TSPAN14: variants seen among roughly 807,000 people sequenced by gnomAD.
TSPAN14 encodes tetraspanin 14.
A neutral mutation model predicts 36.6 loss-of-function variants in TSPAN14; 16 were observed. The ratio of observed to expected loss-of-function variants is 0.44; its 90% CI spans 0.30 to 0.66. The LOEUF (loss-of-function observed/expected upper bound fraction) is 0.66, where lower values mean the gene tolerates loss of function less well. Ranked by LOEUF, TSPAN14 falls within the 30% of genes least tolerant of loss-of-function variation. The pLI is 0.12. For synonymous variants in TSPAN14, 139 were observed against 143.8 expected (o/e 0.97, Z 0.24); for missense variants, 231 against 355.1 (o/e 0.65, Z 2.81).
At chr10:80,488,558 G>GGGAC in intron 1 of TSPAN14, among the ~76,000 whole-genome samples, 1 of 152,168 alleles carries the variant, frequency 6.6e-6, no homozygotes. Flanking sequence ...GAGGGAGGGA[G>GGGAC]CAGGGGGATG....
intron 8 of TSPAN14, among the ~76,000 whole-genome samples, chr10:80,517,598 T>C (rs1841004896): frequency 6.6e-6 from 1 of 152,262 alleles, no homozygotes; most frequent in Non-Finnish European, 1.5e-5. Context: ...AGGCGTGTCC[T>C]GCCCCATGGC....
chr10:80,463,952 G>A (rs904207085), intron 1 of TSPAN14, among the ~76,000 whole-genome samples: 12 of 152,222 alleles, frequency 7.9e-5, no homozygotes, highest in African/African-American at 2.7e-4. Context: ...GCCTGTCTCC[G>A]TGACCTCCAT....
At chr10:80,514,290 G>A (rs1010722939) in intron 7 of TSPAN14, among the ~76,000 whole-genome samples, 5 of 152,190 alleles carry the variant, frequency 3.3e-5, no homozygotes, top group Non-Finnish European at 5.9e-5. Context: ...GTGAGCTGCA[G>A]TCCCAACATC....
chr10:80,472,609 T>C (rs766304721), intron 1 of TSPAN14, among the ~76,000 whole-genome samples: 1 of 152,258 alleles, frequency 6.6e-6, no homozygotes, highest in Non-Finnish European at 1.5e-5. Flanking sequence ...TCATGGGTGT[T>C]GAATGCGATG....
chr10:80,461,321 C>T (rs1311207046), intron 1 of TSPAN14, among the ~76,000 whole-genome samples: 1 of 152,234 alleles, frequency 6.6e-6, no homozygotes, highest in Non-Finnish European at 1.5e-5. Context: ...GGGGCCTTCC[C>T]TCCTTCCTAA....
intron 1 of TSPAN14, among the ~76,000 whole-genome samples, chr10:80,457,801 G>C (rs971757735): frequency 6.6e-6 from 1 of 152,234 alleles, no homozygotes; most frequent in African/African-American, 2.4e-5. Context: ...ACGGTTTGCT[G>C]TGGTAACAGC....
At chr10:80,501,489 T>C (rs1175276552) in intron 2 of TSPAN14, among the ~76,000 whole-genome samples, 1 of 152,056 alleles carries the variant, frequency 6.6e-6, no homozygotes. Flanking sequence ...AGGGGTGAGC[T>C]GTGAAGTGCA....
In TSPAN14 at chr10:80,509,491, G is replaced by A. The variant is rs375179047; in HGVS notation, c.450+20G>A. The A allele has an allele frequency of 9.9e-6, 16 of 1,609,482 alleles. No individual in the cohort carries two copies. The African/African-American group carries it at 1.9e-4, about 19-fold the overall frequency. On this transcript the variant is annotated intron_variant, in intron 5 of 8. Transcript: ENST00000429989. This position sits in a 1 kb window ranked among gnomAD's most constrained non-coding sequence, Gnocchi z 4.7. ...AAAGCTGTAAGCACCTCCCCAGCGG[G>A]CCCCCGATAGAGCATGCACCTCCCT...
exon 2 of TSPAN14, chr10:80,489,234 A>G: frequency 2.5e-6 from 4 of 1,578,058 alleles, no homozygotes; most frequent in Non-Finnish European, 3.4e-6. Flanking sequence ...TTCTCAGAAG[A>G]TGCACTATTA....
intron 7 of TSPAN14, 38 bp from the exon 8 acceptor site, chr10:80,516,166 G>T (rs1457663509): frequency 6.2e-7 from 1 of 1,613,830 alleles, no homozygotes; most frequent in Admixed American, 1.7e-5. Context: ...GACATCGTGT[G>T]TGCCAAAGGC....
intron 6 of TSPAN14, among the ~76,000 whole-genome samples, chr10:80,513,598 A>G (rs1019855160): frequency 1.3e-5 from 2 of 152,218 alleles, no homozygotes; most frequent in African/African-American, 2.4e-5. Flanking sequence ...CTGGCTTGCT[A>G]TTTTTCCATG....
chr10:80,500,314 C>CTTTTTTTTTTTTT (rs144759161), intron 2 of TSPAN14, among the ~76,000 whole-genome samples: 9 of 47,860 alleles, frequency 1.9e-4, no homozygotes, highest in African/African-American at 7.7e-4. Flanking sequence ...AGGCCTTATT[C>CTTTTTTTTTTTTT]TTTTTTTTTT....
At chr10:80,484,294 C>T (rs2132001792) in intron 1 of TSPAN14, among the ~76,000 whole-genome samples, 2 of 151,140 alleles carry the variant, frequency 1.3e-5, no homozygotes, top group South Asian at 2.1e-4. Flanking sequence ...AGTTTTATTT[C>T]TAGTGACATT....
At chr10:80,520,476 C>T in exon 9 of TSPAN14, 1 of 453,116 alleles carries the variant, frequency 2.2e-6, no homozygotes. Context: ...TGTCCTGAAT[C>T]CCCGCCTTCC....
At chr10:80,467,811 G>A (rs1846325636) in intron 1 of TSPAN14, among the ~76,000 whole-genome samples, 1 of 152,184 alleles carries the variant, frequency 6.6e-6, no homozygotes, top group South Asian at 2.1e-4. Flanking sequence ...GGCCCCTGGA[G>A]TTCACTGATG....
chr10:80,521,228 C>G (rs916655027), exon 9 of TSPAN14: 2 of 170,876 alleles, frequency 1.2e-5, no homozygotes, highest in African/African-American at 4.8e-5. Flanking sequence ...CTGATGGCTT[C>G]TCAGCCAGCA....
chr10:80,477,412 G>A (rs535274527), intron 1 of TSPAN14, among the ~76,000 whole-genome samples: 1 of 152,350 alleles, frequency 6.6e-6, no homozygotes, highest in East Asian at 1.9e-4. Flanking sequence ...GTAGACACAT[G>A]TAATTTTGCT....
At chr10:80,455,227 C>T (rs1845682464) in intron 1 of TSPAN14, among the ~76,000 whole-genome samples, 1 of 152,160 alleles carries the variant, frequency 6.6e-6, no homozygotes, top group South Asian at 2.1e-4. Context: ...TAAAGTTGAT[C>T]TCCGGCGAGA....
At chr10:80,490,737 A>G (rs926599248) in intron 2 of TSPAN14, among the ~76,000 whole-genome samples, 4 of 151,636 alleles carry the variant, frequency 2.6e-5, no homozygotes, top group Non-Finnish European at 5.9e-5. Flanking sequence ...TGCCTTAAAG[A>G]GGAGAAGAAA....
Sources: gnomAD v4.1 joint callset for allele counts (sites outside exome capture counted in the v4.1 genomes callset) on GRCh38, gnomAD v4.1.1 for gene constraint, Gnocchi (gnomAD v3.1) non-coding constraint, MANE v1.5 for transcripts, NCBI Gene and HGNC (gene_info 2026-07-23, HGNC 2026-07-21) for gene names.